Variants in CAMK1D observed in about 807,000 individuals in gnomAD.
The protein encoded by CAMK1D is calcium/calmodulin-dependent protein kinase type 1D.
A neutral mutation model predicts 47.7 loss-of-function variants in CAMK1D; 9 were observed. That is an observed-to-expected ratio of 0.19 (90% CI 0.11 to 0.33). The LOEUF is 0.33. CAMK1D is among the 10% of genes least tolerant of loss of function. The pLI, the probability that CAMK1D is intolerant of heterozygous loss-of-function variation, is 1.00. For synonymous variants in CAMK1D, 184 were observed against 184.9 expected (o/e 0.99, Z 0.04); for missense variants, 291 against 488.7 (o/e 0.60, Z 3.81).
intron 6 of CAMK1D, among the ~76,000 whole-genome samples, chr10:12,801,334 T>TA (rs1291208337): frequency 2.6e-5 from 3 of 115,220 alleles, no homozygotes; most frequent in Admixed American, 1.7e-4. Flanking sequence ...TCTATCTATC[T>TA]ATCTATCTAT....
chr10:12,622,902 G>A (rs921983698), intron 2 of CAMK1D, among the ~76,000 whole-genome samples: 6 of 151,992 alleles, frequency 3.9e-5, no homozygotes, highest in Non-Finnish European at 5.9e-5. Context: ...AACAGTCAAG[G>A]CTTGTGTGGG....
chr10:12,564,842 G>T (rs1837071966), intron 2 of CAMK1D, among the ~76,000 whole-genome samples: 1 of 152,198 alleles, frequency 6.6e-6, no homozygotes, highest in South Asian at 2.1e-4. Flanking sequence ...TAGAACTGAT[G>T]ACCTAAGTAT....
intron 1 of CAMK1D, among the ~76,000 whole-genome samples, chr10:12,489,056 C>T (rs2132114962): frequency 6.6e-6 from 1 of 152,288 alleles, no homozygotes; most frequent in East Asian, 1.9e-4. Context: ...CTGCCTCAGT[C>T]TCCCGAGTAG....
At chr10:12,628,847 A>C (rs957912958) in intron 2 of CAMK1D, among the ~76,000 whole-genome samples, 2 of 152,044 alleles carry the variant, frequency 1.3e-5, no homozygotes, top group Non-Finnish European at 2.9e-5. Context: ...TCATAGTTTT[A>C]CCTTTTCTAT....
intron 2 of CAMK1D, among the ~76,000 whole-genome samples, chr10:12,619,596 T>A (rs1028892531): frequency 2.6e-5 from 4 of 152,206 alleles, no homozygotes; most frequent in African/African-American, 7.2e-5. Flanking sequence ...CTTGGATTTT[T>A]AAAATTATTA....
At position 12,496,094 on chromosome 10, in the gene CAMK1D, G is replaced by T. The variant is rs1202428177; in HGVS notation, c.93-57131G>T. 2.6e-5 allele frequency among the ~76,000 whole-genome samples: 4 copies of T among 152,090 alleles called. No homozygotes were observed. In the East Asian group the frequency reaches 5.8e-4, roughly 22 times the overall value. On this transcript the variant is annotated intron_variant, in intron 1 of 10. Coordinates refer to ENST00000619168, the MANE Select transcript of CAMK1D (RefSeq NM_153498.4). The stretch of plus-strand genomic sequence containing the variant: ...TCCTCCTGCCTCGGCCTCCCAAAGT[G>T]CTGGGAGTTAGCCCACCGTGCCCAG...
intron 1 of CAMK1D, among the ~76,000 whole-genome samples, chr10:12,444,914 G>A (rs1314561233): frequency 6.6e-6 from 1 of 152,188 alleles, no homozygotes; most frequent in Non-Finnish European, 1.5e-5. Context: ...CTTGGAACAG[G>A]AAAAGATGTG....
At chr10:12,504,562 T>C (rs143909625) in intron 1 of CAMK1D, among the ~76,000 whole-genome samples, 2 of 152,210 alleles carry the variant, frequency 1.3e-5, no homozygotes, top group African/African-American at 4.8e-5. Context: ...ATTCAAACGG[T>C]CATCTCTTCC....
chr10:12,357,788 G>A (rs1837560329), intron 1 of CAMK1D, among the ~76,000 whole-genome samples: 1 of 152,122 alleles, frequency 6.6e-6, no homozygotes, highest in Admixed American at 6.6e-5. Context: ...CTCGGTTCAC[G>A]TTGGCTATGC....
intron 1 of CAMK1D, among the ~76,000 whole-genome samples, chr10:12,443,781 C>G (rs979646628): frequency 6.6e-6 from 1 of 152,164 alleles, no homozygotes; most frequent in Non-Finnish European, 1.5e-5. Context: ...AGGCACCTAC[C>G]ACCATGCCCG....
chr10:12,521,496 A>C (rs1014208280), intron 1 of CAMK1D, among the ~76,000 whole-genome samples: 2 of 152,212 alleles, frequency 1.3e-5, no homozygotes, highest in African/African-American at 4.8e-5. Flanking sequence ...AGTTTGTTTT[A>C]TGATAAAGTT....
chr10:12,820,509 C>T (rs1036972724), intron 8 of CAMK1D, among the ~76,000 whole-genome samples: 5 of 152,232 alleles, frequency 3.3e-5, no homozygotes, highest in African/African-American at 1.2e-4. Context: ...TGGAGTCATT[C>T]CTCCAGGCGG....
intron 5 of CAMK1D, among the ~76,000 whole-genome samples, chr10:12,774,067 G>A (rs966193992): frequency 2.4e-5 from 3 of 127,158 alleles, no homozygotes; most frequent in Non-Finnish European, 4.9e-5. Context: ...CACTGGTGCG[G>A]GGGGAGGGGG....
intron 1 of CAMK1D, among the ~76,000 whole-genome samples, chr10:12,467,611 G>C (rs1833630650): frequency 6.6e-6 from 1 of 152,170 alleles, no homozygotes; most frequent in Non-Finnish European, 1.5e-5. Context: ...TGTCAGTTAT[G>C]CCAGGTCTAC....
intron 3 of CAMK1D, among the ~76,000 whole-genome samples, chr10:12,710,885 G>T (rs1833912544): frequency 6.6e-6 from 1 of 152,166 alleles, no homozygotes; most frequent in African/African-American, 2.4e-5. Flanking sequence ...CCAAATGTCT[G>T]TTGCCTTTGA....
At chr10:12,546,430 A>G (rs2132257066) in intron 1 of CAMK1D, among the ~76,000 whole-genome samples, 1 of 152,198 alleles carries the variant, frequency 6.6e-6, no homozygotes, top group African/African-American at 2.4e-5. Context: ...GAAAAAGAGA[A>G]GTTTTGGGGT....
At chr10:12,827,256 CTTT>C (rs1325051939) in intron 10 of CAMK1D, among the ~76,000 whole-genome samples, 1 of 122,672 alleles carries the variant, frequency 8.2e-6, no homozygotes, top group East Asian at 2.6e-4. Context: ...TTCTTTCTTT[CTTT>C]TTCTTTCCTT....
intron 2 of CAMK1D, among the ~76,000 whole-genome samples, chr10:12,630,244 G>A (rs1470032231): frequency 2.0e-5 from 3 of 152,086 alleles, no homozygotes; most frequent in African/African-American, 4.8e-5. Context: ...CCTAGTGAGC[G>A]CATCTTTGTC....
chr10:12,767,974 G>A (rs1033243004), intron 4 of CAMK1D, among the ~76,000 whole-genome samples: 2 of 152,194 alleles, frequency 1.3e-5, no homozygotes, highest in Admixed American at 1.3e-4. Flanking sequence ...CTGGGTTCAA[G>A]CAATTCTCCT....
Sources: allele counts gnomAD v4.1 joint callset (sites outside exome capture counted in the v4.1 genomes callset), GRCh38; gene constraint gnomAD v4.1.1; transcripts MANE v1.5; gene names NCBI Gene and HGNC (gene_info 2026-07-23, HGNC 2026-07-21).